Variants in TDRD5 observed in about 807,000 individuals in gnomAD.
The protein encoded by TDRD5 is tudor domain-containing protein 5.
TDRD5 carries 41 observed loss-of-function variants against 120.6 expected under a neutral mutation model. The ratio of observed to expected loss-of-function variants is 0.34; its 90% confidence interval spans 0.26 to 0.44. TDRD5 has a LOEUF of 0.44. TDRD5 is among the 20% of genes least tolerant of loss of function. TDRD5 has a pLI of 1.00. For synonymous variants in TDRD5, 430 were observed against 433.7 expected, an observed-to-expected ratio of 0.99 and a Z score of 0.11; for missense variants, 1,006 against 1,221.2, an observed-to-expected ratio of 0.82 and a Z score of 2.63.
intron 6 of TDRD5, among the ~76,000 whole-genome samples, chr1:179,628,917 A>C (rs1677284718): frequency 7.6e-6 from 1 of 132,096 alleles, no homozygotes; most frequent in Non-Finnish European, 1.7e-5. Context: ...GTGACTGAGG[A>C]ATTTGTTGTT....
At chr1:179,663,814 G>T (rs1432476979) in intron 16 of TDRD5, among the ~76,000 whole-genome samples, 1 of 152,094 alleles carries the variant, frequency 6.6e-6, no homozygotes, top group Non-Finnish European at 1.5e-5. Context: ...TTTTAAAAAT[G>T]ATTAAACCTC....
intron 17 of TDRD5, among the ~76,000 whole-genome samples, chr1:179,675,536 C>A (rs534306185): frequency 6.6e-6 from 1 of 152,022 alleles, no homozygotes; most frequent in South Asian, 2.1e-4. Flanking sequence ...GCCTCGGCCT[C>A]CCAAAGTGCT....
At chr1:179,629,121 A>G (rs1677297494) in intron 6 of TDRD5, among the ~76,000 whole-genome samples, 1 of 152,194 alleles carries the variant, frequency 6.6e-6, no homozygotes, top group Non-Finnish European at 1.5e-5. Flanking sequence ...TGAGAAATCC[A>G]GATGAGCACT....
chr1:179,689,273 T>A (rs1423071355), intron 17 of TDRD5, among the ~76,000 whole-genome samples: 3 of 152,232 alleles, frequency 2.0e-5, no homozygotes, highest in Non-Finnish European at 2.9e-5. Flanking sequence ...CTTCTAACAG[T>A]CAGGACCCTC....
At chr1:179,657,323 G>T (rs72706760) in intron 14 of TDRD5, among the ~76,000 whole-genome samples, 7,167 of 152,068 alleles carry the variant, frequency 0.047, 258 homozygotes, top group Non-Finnish European at 0.07. Context: ...TACAGGATCT[G>T]TACATGTTCT....
At chr1:179,599,647 A>G (rs1277275966) in intron 4 of TDRD5, among the ~76,000 whole-genome samples, 1 of 151,936 alleles carries the variant, frequency 6.6e-6, no homozygotes. Flanking sequence ...TCCCAGTAAC[A>G]TTTTAAGGTC....
intron 5 of TDRD5, among the ~76,000 whole-genome samples, chr1:179,620,435 AG>A (rs1260760312): frequency 6.6e-6 from 1 of 152,186 alleles, no homozygotes; most frequent in Non-Finnish European, 1.5e-5. Context: ...GAAACAAAAT[AG>A]AAGATCAAAT....
intron 14 of TDRD5, 117 bp downstream of exon 14, chr1:179,654,479 C>T: frequency 8.6e-7 from 1 of 1,166,766 alleles, no homozygotes; most frequent in Non-Finnish European, 1.1e-6. Flanking sequence ...ATTACAAATT[C>T]TTAGGCCAAG....
At chr1:179,603,635 A>G (rs949264949) in intron 4 of TDRD5, among the ~76,000 whole-genome samples, 2 of 152,148 alleles carry the variant, frequency 1.3e-5, no homozygotes, top group African/African-American at 4.8e-5. Flanking sequence ...TGAGTTGATC[A>G]TGTGATTTTT....
At position 179,639,902 on chromosome 1, in the gene TDRD5, G is replaced by T; in HGVS notation, c.1584G>T (p.Pro528=). The T allele has an allele frequency of 6.2e-7, 1 of 1,614,082 alleles. No homozygotes were observed. The highest frequency in any genetic ancestry group is 8.5e-7 in the Non-Finnish European group (1 of 1,179,998). Residue 528 remains proline (P), a synonymous_variant, in exon 10 of 18, where the codon CCG becomes CCT. Coordinates refer to ENST00000444136, the MANE Select transcript of TDRD5 (RefSeq NM_001199085.3). ...TCATGCCAGAATGTTTTATTCAGCCGGGACATCTCTGTTGTGTAAGGATTT... is the reference window on the plus strand; with the variant it reads ...TCATGCCAGAATGTTTTATTCAGCCTGGACATCTCTGTTGTGTAAGGATTT... ...RYVMPECFIQ[P]GHLCCVRISE...
In TDRD5 at chr1:179,650,990, A is replaced by G; in HGVS notation, c.1924A>G (p.Asn642Asp). Reference protein sequence around the residue: ...LNIFLCDTSSNEDVYFHHVLR... With the variant: ...LNIFLCDTSSDEDVYFHHVLR... ...CATTTTTTTGTGTGACACATCCTCAAACGAAGATGTCTATTTCCATCATGT... is the reference window on the plus strand; with the variant it reads ...CATTTTTTTGTGTGACACATCCTCAGACGAAGATGTCTATTTCCATCATGT... Residue 642 changes from asparagine (N) to aspartate (D), a missense_variant, in exon 12 of 18, where the codon AAC (asparagine) becomes GAC (aspartate). By Grantham distance (23) the Asn-to-Asp change is conservative (BLOSUM62 1). This residue lies in a region of TDRD5 where 158 missense variants were observed against 257.5 expected (regional missense o/e 0.61). Coordinates refer to ENST00000444136, the MANE Select transcript of TDRD5 (RefSeq NM_001199085.3). 2 of 1,614,166 alleles carry G rather than the reference A, an allele frequency of 1.2e-6. No individual in the cohort carries two copies. The highest frequency in any genetic ancestry group is 1.7e-6 in the Non-Finnish European group (2 of 1,180,014).
Position 179,640,376 on chromosome 1 carries a change from C to T in TDRD5, c.1734-3C>T. 6.2e-7 allele frequency: 1 copy of T among 1,614,076 alleles called. No individual in the cohort carries two copies. The highest frequency in any genetic ancestry group is 1.1e-5 in the South Asian group (1 of 91,088). On this transcript the variant is annotated splice_polypyrimidine_tract_variant and splice_region_variant and intron_variant, in intron 10 of 17. Transcript: ENST00000444136. The stretch of plus-strand genomic sequence containing the variant: ...AACTTACATATTTGATTATCTATTG[C>T]AGGTGCTGCTACACAAAGCTTCCAG...
Position 179,593,571 on chromosome 1 carries a change from C to G in TDRD5, c.344C>G (p.Pro115Arg), listed in dbSNP as rs376799300. ...HKGRPSIYSGPRSHRRVPYRG... is the reference protein window; with the variant it reads ...HKGRPSIYSGRRSHRRVPYRG... ...GGAAGACCTAGTATTTATTCTGGAC[C>G]GAGATCTCATCGGCGAGTACCTTAC... Residue 115 changes from proline (P) to arginine (R), a missense_variant, in exon 3 of 18, where the codon CCG (proline) becomes CGG (arginine). This residue lies in a region of TDRD5 where 445 missense variants were observed against 515.5 expected (regional missense o/e 0.86). Coordinates refer to ENST00000444136, the MANE Select transcript of TDRD5 (RefSeq NM_001199085.3). 6.2e-7 allele frequency: 1 copy of G among 1,614,204 alleles called. No individual in the cohort carries two copies. Among genetic ancestry groups the G allele is most frequent in the Non-Finnish European group, 8.5e-7 (1 of 1,180,042 alleles).
At chr1:179,649,342 T>G (rs1019652087) in intron 11 of TDRD5, among the ~76,000 whole-genome samples, 1 of 152,076 alleles carries the variant, frequency 6.6e-6, no homozygotes. Context: ...TCTCTGCTGC[T>G]TTTTTTCTGG....
chr1:179,643,369 G>A (rs940793703), intron 11 of TDRD5, among the ~76,000 whole-genome samples: 6 of 152,252 alleles, frequency 3.9e-5, no homozygotes, highest in Non-Finnish European at 5.9e-5. Context: ...AAGGAAAAAC[G>A]TAGTTGGTAG....
intron 4 of TDRD5, among the ~76,000 whole-genome samples, chr1:179,609,247 T>C (rs1006696875): frequency 6.6e-6 from 1 of 152,174 alleles, no homozygotes; most frequent in African/African-American, 2.4e-5. Flanking sequence ...AATATTTGCA[T>C]GTACATAATG....
At chr1:179,634,340 C>T in intron 7 of TDRD5, 117 bp from the exon 8 acceptor site, 1 of 1,015,266 alleles carries the variant, frequency 9.8e-7, no homozygotes, top group Non-Finnish European at 1.4e-6. Context: ...CTTTCTAGCA[C>T]CTGGTGTGTT....
rs1210114676 is a variant in TDRD5, at chr1:179,630,689, G to A, written c.973-78G>A. 8 of 1,453,400 alleles carry A rather than the reference G, an allele frequency of 5.5e-6. No individual in the cohort carries two copies. In the Admixed American group the frequency reaches 6.4e-5, roughly 12 times the overall value. 90.0% of individuals were successfully genotyped at this position (1,453,400 alleles called of 1,614,324 possible). On this transcript the variant is annotated intron_variant, in intron 6 of 17. Transcript: ENST00000444136. ...CATTGACCCTTTAAGATTTAGTTTG[G>A]TTGTCCAAGGACAACTATATATGTT...
At chr1:179,690,030 G>C (rs1232528329) in intron 17 of TDRD5, among the ~76,000 whole-genome samples, 1 of 152,134 alleles carries the variant, frequency 6.6e-6, no homozygotes, top group African/African-American at 2.4e-5. Context: ...ACCCTGCTTC[G>C]GCTCATGCTC....
Sources: gnomAD v4.1 joint callset for allele counts (sites outside exome capture counted in the v4.1 genomes callset) on GRCh38, gnomAD v4.1.1 for gene constraint, gnomAD v4.1.1 regional missense constraint, MANE v1.5 for transcripts, NCBI Gene and HGNC (gene_info 2026-07-23, HGNC 2026-07-21) for gene names.